Variants in CRACDL observed in about 807,000 individuals in gnomAD.
CRACDL encodes the protein CRACD like, also known as CRACD-like protein.
In CRACDL, 26 loss-of-function variants were observed where a neutral mutation model predicts 70.6. The observed-to-expected ratio is 0.37, with a 90% CI of 0.27 to 0.51. The LOEUF is 0.51. CRACDL is among the 20% of genes least tolerant of loss of function. The pLI is 0.94. For synonymous variants in CRACDL, 618 were observed against 615.2 expected (o/e 1.00, Z -0.07); for missense variants, 1,283 against 1,376.9 (o/e 0.93, Z 1.08).
At position 98,822,945 on chromosome 2, in the gene CRACDL, G is replaced by A. The variant is rs374727307; in HGVS notation, c.1328C>T (p.Pro443Leu). The change falls in exon 7 of 10, where the codon CCG becomes CTG. Residue 443 changes from proline (P) to leucine (L), a missense_variant. Around this residue, in one of 2 missense-constraint regions of CRACDL, gnomAD observed 921 missense variants for 881.9 expected, o/e 1.04. Transcript: ENST00000397899. The surrounding 1 kb of genome is among the most constrained non-coding windows in gnomAD (Gnocchi z 4.9). ...CTTCTCCTCATCCGGGAGCACGGGC[G>A]GCGTCGGCTCCGCTTCCTTCGGGAC... is the stretch of plus-strand genomic sequence containing the variant. ...RSVPKEAEPT[P>L]PVLPDEEKGP... 8.2e-6 allele frequency: 12 copies of A among 1,460,150 alleles called. No individual in the cohort carries two copies. The African/African-American group carries it at 8.9e-5, about 11-fold the overall frequency. 90.4% of individuals were successfully genotyped at this position (1,460,150 alleles called of 1,614,324 possible). A position where few individuals can be genotyped will look rare whatever the true frequency, so the allele number is the denominator to read the frequency against.
rs772475114 is a variant in CRACDL at position 98,821,888 on chromosome 2, C to G, written c.2385G>C (p.Thr795=). 1 of 1,604,398 alleles carries G rather than the reference C, an allele frequency of 6.2e-7. No individual in the cohort carries two copies. The highest frequency in any genetic ancestry group is 8.5e-7 in the Non-Finnish European group (1 of 1,177,968). ...GEREPRKEPR[T]AEKRPLRRGA... ...CCCTGCGCAGCGGCCTTTTCTCCGC[C>G]GTCCTGGGCTCCTTCCTGGGTTCCC... is the stretch of plus-strand genomic sequence containing the variant. Residue 795 remains threonine (T), a synonymous_variant, in exon 7 of 10, where the codon ACG becomes ACC. Transcript: ENST00000397899.
intron 2 of CRACDL, among the ~76,000 whole-genome samples, chr2:98,842,336 T>A (rs1173274908): frequency 1.3e-5 from 2 of 151,688 alleles, no homozygotes; most frequent in African/African-American, 4.8e-5. Flanking sequence ...TAAAATAAAA[T>A]TTTAATAATT....
Position 98,822,941 on chromosome 2 carries a change from G to GC in CRACDL, c.1331_1332insG (p.Val445ArgfsTer5). 6.9e-7 allele frequency: 1 copy of GC among 1,459,732 alleles called. No homozygotes were observed. Among genetic ancestry groups the GC allele is most frequent in the Non-Finnish European group, 9.0e-7 (1 of 1,111,392 alleles). The allele number at this position is 1,459,732 out of a possible 1,614,324, so 90.4% of individuals were successfully genotyped here. On this transcript the variant is annotated frameshift_variant, in exon 7 of 10. Coordinates refer to ENST00000397899, the MANE Select transcript of CRACDL (RefSeq NM_207362.3). LOFTEE classifies it high-confidence loss of function. The surrounding 1 kb of genome is among the most constrained non-coding windows in gnomAD (Gnocchi z 4.9). ...GCCCCTTCTCCTCATCCGGGAGCACGGGCGGCGTCGGCTCCGCTTCCTTCG... is the reference window on the plus strand; with the variant it reads ...GCCCCTTCTCCTCATCCGGGAGCACGCGGCGGCGTCGGCTCCGCTTCCTTCG...
rs1457700620 is a variant in CRACDL, at chr2:98,822,283, T to C, written c.1990A>G (p.Arg664Gly). Residue 664 changes from arginine (R) to glycine (G), a missense_variant, in exon 7 of 10, where the codon AGA becomes GGA. This residue lies in a region of CRACDL where 921 missense variants were observed against 881.9 expected (regional missense o/e 1.04). Transcript: ENST00000397899. This position sits in a 1 kb window ranked among gnomAD's most constrained non-coding sequence, Gnocchi z 4.9. Reference sequence around the variant, plus strand: ...TCCTGGGCGGCTGGGCAGGGCTCTCTCGTGCCGGGCGCGGCGGCCGCCTCC... The same window carrying C: ...TCCTGGGCGGCTGGGCAGGGCTCTCCCGTGCCGGGCGCGGCGGCCGCCTCC... ...PQEAAAAPGTREPCPAAQEPA... is the reference protein window; with the variant it reads ...PQEAAAAPGTGEPCPAAQEPA... 6.4e-7 allele frequency: 1 copy of C among 1,566,152 alleles called. No homozygotes were observed. Among genetic ancestry groups the C allele is most frequent in the East Asian group, 2.3e-5 (1 of 42,642 alleles).
chr2:98,888,816 G>GA (rs1043627833), intron 1 of CRACDL, among the ~76,000 whole-genome samples: 7 of 152,138 alleles, frequency 4.6e-5, no homozygotes, highest in Admixed American at 1.3e-4. Flanking sequence ...TAAAAGAATG[G>GA]AAAAAAATAT....
intron 1 of CRACDL, among the ~76,000 whole-genome samples, chr2:98,879,077 G>C (rs146287995): frequency 4.6e-5 from 7 of 151,962 alleles, no homozygotes; most frequent in Non-Finnish European, 5.9e-5. Context: ...CCCTTCCTCC[G>C]AGCCCCTGCC....
chr2:98,807,692 A>T (rs1399563014), intron 7 of CRACDL, among the ~76,000 whole-genome samples: 1 of 152,252 alleles, frequency 6.6e-6, no homozygotes, highest in Non-Finnish European at 1.5e-5. Flanking sequence ...TTGAAAATTA[A>T]CGCATAAAGC....
intron 5 of CRACDL, 69 bp from the exon 6 acceptor site, chr2:98,827,238 A>T: frequency 1.8e-6 from 2 of 1,091,510 alleles, no homozygotes; most frequent in South Asian, 2.7e-5. Flanking sequence ...GACCAACGCA[A>T]CAATGCTCTT....
chr2:98,822,014 G>A lies in CRACDL; in HGVS notation c.2259C>T (p.Pro753=). 7 of 1,536,556 alleles carry A rather than the reference G, an allele frequency of 4.6e-6. No individual in the cohort carries two copies. Among genetic ancestry groups the A allele is most frequent in the Non-Finnish European group, 5.3e-6 (6 of 1,140,984 alleles). Residue 753 remains proline, a synonymous_variant, in exon 7 of 10, where the codon CCC becomes CCT. Coordinates refer to ENST00000397899, the MANE Select transcript of CRACDL (RefSeq NM_207362.3). The surrounding 1 kb of genome is among the most constrained non-coding windows in gnomAD (Gnocchi z 4.9). ...GGGGCGGCTTGGAGCTGAGCGGCTC[G>A]GGGGGCCGGGCCTTCCCCTTTCCTT... ...SDQGKGKARP[P]EPLSSKPPLP... is the part of the protein sequence containing the mutation.
chr2:98,846,458 C>T (rs148030327), intron 2 of CRACDL, among the ~76,000 whole-genome samples: 2,802 of 152,284 alleles, frequency 0.018, 89 homozygotes, highest in African/African-American at 0.063. Flanking sequence ...GTCAGCCAAA[C>T]ATGGGGACAT....
rs370832215 is a variant in CRACDL at position 98,831,184 on chromosome 2, G to A, written c.540+1164C>T. Among the ~76,000 whole-genome samples the A allele has an allele frequency of 3.3e-5, 5 of 152,314 alleles. No homozygotes were observed. In the South Asian group the frequency reaches 8.3e-4, roughly 25 times the overall value. The stretch of plus-strand genomic sequence containing the variant: ...TGTCCTCAGACCCTGCTCCTGGAAT[G>A]AGCAGGGACAGCTTCGCCCCAGAGC... On this transcript the variant is annotated intron_variant, in intron 5 of 9. Transcript: ENST00000397899.
At chr2:98,905,342 A>G (rs1159531434) in intron 1 of CRACDL, among the ~76,000 whole-genome samples, 1 of 150,474 alleles carries the variant, frequency 6.6e-6, no homozygotes, top group East Asian at 2.0e-4. Flanking sequence ...TCTGCCTTCC[A>G]CCATGCTTGG....
At chr2:98,865,798 C>CTTT (rs1157009185) in intron 1 of CRACDL, among the ~76,000 whole-genome samples, 4 of 134,432 alleles carry the variant, frequency 3.0e-5, no homozygotes, top group African/African-American at 5.5e-5. Context: ...GGACTTTCTG[C>CTTT]TTTTTTTTTT....
rs1705580337 is a variant in CRACDL, at chr2:98,832,407, G to T, written c.481C>A (p.Pro161Thr). 18 of 1,614,064 alleles carry T rather than the reference G, an allele frequency of 1.1e-5. No individual in the cohort carries two copies. Among genetic ancestry groups the T allele is most frequent in the Non-Finnish European group, 1.4e-5 (17 of 1,180,034 alleles). ...AGAGACATCTCTGGGGGGCTCCTGG[G>T]CAGCCCGTCGTCCTCAGAGCTCATG... The part of the protein sequence containing the change: ...AGMSSEDDGL[P>T]RSPPEMSLLH... The change falls in exon 5 of 10, where the codon CCC (proline) becomes ACC (threonine). Residue 161 changes from proline (P) to threonine (T), a missense_variant. Pro to Thr is a conservative substitution (Grantham distance 38, BLOSUM62 -1). Coordinates refer to ENST00000397899, the MANE Select transcript of CRACDL (RefSeq NM_207362.3).
intron 7 of CRACDL, among the ~76,000 whole-genome samples, chr2:98,808,148 C>T (rs1235926538): frequency 6.6e-6 from 1 of 152,234 alleles, no homozygotes; most frequent in Non-Finnish European, 1.5e-5. Flanking sequence ...AGCCTCACCA[C>T]TCCAAGTGTC....
chr2:98,795,171 G>T lies in CRACDL; in HGVS notation c.2750-500C>A, dbSNP rs1249978167. On this transcript the variant is annotated intron_variant, in intron 9 of 9. Transcript: ENST00000397899. ...GCTCCCTGCAATCTCTGCCTCCCGG[G>T]TTCAAGCGATTCTCCTGCCTCAGCC... Among the ~76,000 whole-genome samples, 3 of 147,824 alleles carry T rather than the reference G, an allele frequency of 2.0e-5. No individual in the cohort carries two copies. In the Admixed American group the frequency reaches 2.0e-4, roughly 10 times the overall value.
At chr2:98,926,866 G>T (rs1017333241) in intron 1 of CRACDL, among the ~76,000 whole-genome samples, 2 of 152,200 alleles carry the variant, frequency 1.3e-5, no homozygotes, top group African/African-American at 4.8e-5. Context: ...CCAGGAAAGG[G>T]GCAGAGAGAG....
At position 98,877,776 on chromosome 2, in the gene CRACDL, T is replaced by A. The variant is rs930634817; in HGVS notation, c.-10-30966A>T. Among the ~76,000 whole-genome samples the A allele has an allele frequency of 5.3e-5, 8 of 151,718 alleles. No individual in the cohort carries two copies. In the East Asian group the frequency reaches 1.4e-3, roughly 26 times the overall value. On this transcript the variant is annotated intron_variant, in intron 1 of 9. Coordinates refer to ENST00000397899, the MANE Select transcript of CRACDL (RefSeq NM_207362.3). Reference sequence around the variant, plus strand: ...AAATAATAAAAAAATTTAAAATAAATAAATTTAGTATATCCTCGGTTCATA... The same window carrying A: ...AAATAATAAAAAAATTTAAAATAAAAAAATTTAGTATATCCTCGGTTCATA...
intron 2 of CRACDL, among the ~76,000 whole-genome samples, chr2:98,845,958 C>T (rs1706237393): frequency 6.6e-6 from 1 of 152,086 alleles, no homozygotes; most frequent in African/African-American, 2.4e-5. Flanking sequence ...TGGCTAGCAG[C>T]TAGGATTTAA....
Sources: gnomAD v4.1 joint callset for allele counts (sites outside exome capture counted in the v4.1 genomes callset) on GRCh38, gnomAD v4.1.1 for gene constraint, gnomAD v4.1.1 regional missense constraint, Gnocchi (gnomAD v3.1) non-coding constraint, MANE v1.5 for transcripts, NCBI Gene and HGNC (gene_info 2026-07-23, HGNC 2026-07-21) for gene names.